The following BMP5 variants were observed in gnomAD, a reference collection of about 807,000 sequenced individuals.
BMP5 encodes bone morphogenetic protein 5.
BMP5 carries 23 observed loss-of-function variants against 46.6 expected under a neutral mutation model. The observed-to-expected ratio is 0.49, with a 90% CI of 0.35 to 0.70. The LOEUF (loss-of-function observed/expected upper bound fraction) is 0.70, where lower values mean the gene tolerates loss of function less well. BMP5 is among the 30% of genes least tolerant of loss of function. The pLI is 0.00. For synonymous variants in BMP5, 204 were observed against 191.9 expected, an observed-to-expected ratio of 1.06 and a Z score of -0.52; for missense variants, 545 against 565.6, an observed-to-expected ratio of 0.96 and a Z score of 0.37.
chr6:55,865,998 C>T (rs1777631703), intron 1 of BMP5, among the ~76,000 whole-genome samples: 1 of 152,126 alleles, frequency 6.6e-6, no homozygotes, highest in South Asian at 2.1e-4. Context: ...GCAAAGAATA[C>T]ATCTACAAAA....
intron 4 of BMP5, among the ~76,000 whole-genome samples, chr6:55,762,479 T>C (rs1023913288): frequency 3.9e-5 from 6 of 152,150 alleles, no homozygotes; most frequent in Admixed American, 2.0e-4. Flanking sequence ...TTATTCCTAC[T>C]ATGCAATTAA....
rs1249347577 is a variant in BMP5 at position 55,860,166 on chromosome 6, TTGGGAGCC to T, written c.490+14202_490+14209del. ...GGCATGGGCCTGTAGTCCCAGGTGCTTGGGAGCCTGAGGTGGGAGGACTGCTTGAGCCC... is the reference window on the plus strand; with the variant it reads ...GGCATGGGCCTGTAGTCCCAGGTGCTTGAGGTGGGAGGACTGCTTGAGCCC... On this transcript the variant is annotated intron_variant, in intron 1 of 6. Transcript: ENST00000370830. Among the ~76,000 whole-genome samples, 7 of 152,224 alleles carry T rather than the reference TTGGGAGCC, an allele frequency of 4.6e-5. No individual in the cohort carries two copies. The South Asian group carries it at 1.2e-3, about 27-fold the overall frequency.
intron 4 of BMP5, among the ~76,000 whole-genome samples, chr6:55,773,064 T>C (rs1775084266): frequency 6.6e-6 from 1 of 151,958 alleles, no homozygotes; most frequent in Non-Finnish European, 1.5e-5. Context: ...AAAGACTGTT[T>C]GAAGTTAGAA....
chr6:55,813,560 C>T (rs1197545684), intron 2 of BMP5, among the ~76,000 whole-genome samples: 1 of 151,890 alleles, frequency 6.6e-6, no homozygotes, highest in Non-Finnish European at 1.5e-5. Flanking sequence ...GGGGCCGAGG[C>T]GGGCGGATCA....
At chr6:55,866,608 G>T (rs1777645351) in intron 1 of BMP5, among the ~76,000 whole-genome samples, 1 of 152,072 alleles carries the variant, frequency 6.6e-6, no homozygotes, top group African/African-American at 2.4e-5. Flanking sequence ...CTACATACTT[G>T]CATATATTCT....
At chr6:55,796,163 A>T (rs1219388798) in intron 2 of BMP5, among the ~76,000 whole-genome samples, 3 of 152,148 alleles carry the variant, frequency 2.0e-5, no homozygotes, top group Non-Finnish European at 4.4e-5. Context: ...TGCTACACTG[A>T]TTTCAGGTCT....
At chr6:55,788,316 G>C (rs1425195494) in intron 3 of BMP5, among the ~76,000 whole-genome samples, 1 of 151,334 alleles carries the variant, frequency 6.6e-6, no homozygotes, top group Non-Finnish European at 1.5e-5. Context: ...CATTTCTATT[G>C]ACTTCACACC....
intron 1 of BMP5, among the ~76,000 whole-genome samples, chr6:55,827,428 T>C (rs1200120612): frequency 6.6e-6 from 1 of 151,730 alleles, no homozygotes; most frequent in Non-Finnish European, 1.5e-5. Context: ...CAACAGTGGA[T>C]AGATAAAAAA....
At chr6:55,805,516 C>A (rs532458917) in intron 2 of BMP5, among the ~76,000 whole-genome samples, 3 of 152,006 alleles carry the variant, frequency 2.0e-5, no homozygotes, top group Admixed American at 2.0e-4. Flanking sequence ...CATTGATGGG[C>A]ATTTGAGTTA....
intron 1 of BMP5, among the ~76,000 whole-genome samples, chr6:55,869,889 T>C (rs1425735393): frequency 6.6e-6 from 1 of 152,100 alleles, no homozygotes; most frequent in Admixed American, 6.6e-5. Flanking sequence ...ATTCTCAAAC[T>C]GTAACTAATT....
chr6:55,840,959 GGA>G (rs58879620), intron 1 of BMP5, among the ~76,000 whole-genome samples: 65,734 of 151,896 alleles, frequency 0.43, 14,700 homozygotes, highest in African/African-American at 0.54. Context: ...CCGCACAGCA[GGA>G]GAGGAGGTAA....
intron 1 of BMP5, among the ~76,000 whole-genome samples, chr6:55,834,557 T>C (rs1266134342): frequency 6.6e-6 from 1 of 152,126 alleles, no homozygotes; most frequent in Non-Finnish European, 1.5e-5. Context: ...CCAATATACA[T>C]TCATTTAGAT....
chr6:55,806,978 A>G (rs1001025965), intron 2 of BMP5, among the ~76,000 whole-genome samples: 1 of 152,104 alleles, frequency 6.6e-6, no homozygotes, highest in Non-Finnish European at 1.5e-5. Flanking sequence ...GGCTGAGACA[A>G]TGGGGTTTTC....
At chr6:55,758,891 G>A (rs1774681560) in intron 6 of BMP5, 114 bp downstream of exon 6, 3 of 799,628 alleles carry the variant, frequency 3.8e-6, no homozygotes, top group South Asian at 1.4e-5. Context: ...AAACAAATGA[G>A]TTTGAGAAGA....
At chr6:55,782,876 G>T (rs1329504250) in intron 3 of BMP5, among the ~76,000 whole-genome samples, 2 of 151,928 alleles carry the variant, frequency 1.3e-5, no homozygotes, top group Admixed American at 6.6e-5. Flanking sequence ...TTAAAATAAG[G>T]CTCAAAAAAG....
At chr6:55,839,575 A>T (rs1776901678) in intron 1 of BMP5, among the ~76,000 whole-genome samples, 1 of 152,142 alleles carries the variant, frequency 6.6e-6, no homozygotes, top group African/African-American at 2.4e-5. Flanking sequence ...TTGGCTTCCC[A>T]AAGTGCTGGA....
intron 1 of BMP5, among the ~76,000 whole-genome samples, chr6:55,843,468 T>C (rs1338113246): frequency 1.3e-5 from 2 of 152,088 alleles, no homozygotes; most frequent in Non-Finnish European, 2.9e-5. Flanking sequence ...TAGTTTTTTT[T>C]CCTCCAATTC....
chr6:55,783,082 T>C (rs560952739), intron 3 of BMP5, among the ~76,000 whole-genome samples: 1 of 152,228 alleles, frequency 6.6e-6, no homozygotes, highest in South Asian at 2.1e-4. Flanking sequence ...AATAATGTTA[T>C]AGCTGCTTCT....
At chr6:55,764,588 GA>G (rs372094959) in intron 4 of BMP5, among the ~76,000 whole-genome samples, 50 of 137,634 alleles carry the variant, frequency 3.6e-4, no homozygotes, top group Non-Finnish European at 5.5e-4. Context: ...AAAAAAAAAA[GA>G]AAAAAAGAAA....
Sources: allele counts gnomAD v4.1 joint callset (sites outside exome capture counted in the v4.1 genomes callset), GRCh38; gene constraint gnomAD v4.1.1; transcripts MANE v1.5; gene names NCBI Gene and HGNC (gene_info 2026-07-23, HGNC 2026-07-21).